Variants in NCOR2 observed in about 807,000 individuals in gnomAD.
NCOR2 encodes the protein nuclear receptor corepressor 2, also known as CTG repeat protein 26.
Under a neutral mutation model 262.9 loss-of-function variants are expected in NCOR2, and 81 were observed. The observed-to-expected ratio is 0.31, with a 90% CI of 0.26 to 0.37. NCOR2 has a LOEUF of 0.37. Ranked by LOEUF, NCOR2 falls within the 10% of genes least tolerant of loss-of-function variation. The probability of loss-of-function intolerance (pLI) is 1.00; values close to 1 mark genes in which losing one functional copy is unlikely to be tolerated. For missense variants in NCOR2, 3,385 were observed against 3,621.4 expected, an observed-to-expected ratio of 0.93 and a Z score of 1.68; for synonymous variants, 1,659 against 1,559.3, an observed-to-expected ratio of 1.06 and a Z score of -1.51.
intron 4 of NCOR2, among the ~76,000 whole-genome samples, chr12:124,466,547 C>T (rs531120710): frequency 8.5e-5 from 13 of 152,276 alleles, no homozygotes; most frequent in South Asian, 4.1e-4. Context: ...GAAGCACAGC[C>T]AAGCAGCCTC....
chr12:124,414,910 C>T (rs1202113709), intron 13 of NCOR2, among the ~76,000 whole-genome samples: 1 of 152,066 alleles, frequency 6.6e-6, no homozygotes, highest in Non-Finnish European at 1.5e-5. Context: ...TGGGGCTGGG[C>T]AGGGGCTCGT....
chr12:124,359,020 G>A (rs1055676492), intron 22 of NCOR2, among the ~76,000 whole-genome samples: 6 of 152,254 alleles, frequency 3.9e-5, no homozygotes, highest in East Asian at 1.9e-4. Flanking sequence ...AGACTGCTAT[G>A]CCACATGGCC....
intron 7 of NCOR2, 88 bp from the exon 10 acceptor site, chr12:124,438,084 C>A: frequency 7.6e-7 from 1 of 1,309,824 alleles, no homozygotes; most frequent in Non-Finnish European, 1.1e-6. Flanking sequence ...GAGTGAGCCC[C>A]AAATTTGCCC....
chr12:124,353,890 G>A (rs926900864), intron 27 of NCOR2, among the ~76,000 whole-genome samples: 2 of 152,210 alleles, frequency 1.3e-5, no homozygotes, highest in South Asian at 2.1e-4. Flanking sequence ...GCAGCTCCCT[G>A]AAGGCAGAGT....
At chr12:124,335,516 G>T in exon 39 of NCOR2, 1 of 1,608,406 alleles carries the variant, frequency 6.2e-7, no homozygotes. Context: ...CCCTCCAGGT[G>T]GCTCTTGTCG....
At chr12:124,414,694 G>A (rs2042764706) in intron 13 of NCOR2, among the ~76,000 whole-genome samples, 1 of 152,250 alleles carries the variant, frequency 6.6e-6, no homozygotes, top group East Asian at 1.9e-4. Flanking sequence ...CGGGGAAGAG[G>A]CAGACAGCAT....
chr12:124,492,343 C>G (rs571669545), intron 1 of NCOR2, among the ~76,000 whole-genome samples: 1 of 152,312 alleles, frequency 6.6e-6, no homozygotes, highest in East Asian at 1.9e-4. Context: ...TGTGAGCGGG[C>G]CAATGCCACT....
chr12:124,468,345 AC>A (rs1197349471), intron 4 of NCOR2, among the ~76,000 whole-genome samples: 7 of 31,592 alleles, frequency 2.2e-4, no homozygotes, highest in African/African-American at 1.4e-4. Context: ...CATCCTCCTC[AC>A]CCCCATCATC....
intron 3 of NCOR2, among the ~76,000 whole-genome samples, chr12:124,474,300 T>C (rs1211394515): frequency 6.6e-6 from 1 of 152,248 alleles, no homozygotes; most frequent in Non-Finnish European, 1.5e-5. Context: ...ACAGTTAAGC[T>C]AAAAGGAGTT....
chr12:124,416,698 G>A (rs894014479), intron 13 of NCOR2, among the ~76,000 whole-genome samples: 4 of 134,156 alleles, frequency 3.0e-5, no homozygotes, highest in African/African-American at 8.4e-5. Flanking sequence ...GGGAGTCCCC[G>A]CGGCACAGAT....
chr12:124,494,642 G>A (rs1008086440), intron 1 of NCOR2, among the ~76,000 whole-genome samples: 2 of 152,196 alleles, frequency 1.3e-5, no homozygotes, highest in Non-Finnish European at 2.9e-5. Flanking sequence ...CCTCATGTCA[G>A]GGAGGCAGAA....
At chr12:124,403,820 G>A (rs1178206217) in intron 13 of NCOR2, among the ~76,000 whole-genome samples, 1 of 152,204 alleles carries the variant, frequency 6.6e-6, no homozygotes, top group Non-Finnish European at 1.5e-5. Flanking sequence ...AACAGAGCAA[G>A]TGTCTGACTG....
At chr12:124,402,466 TTCCTTC>T (rs767877132) in exon 14 of NCOR2, 2 of 1,612,950 alleles carry the variant, frequency 1.2e-6, no homozygotes, top group Non-Finnish European at 1.7e-6. Flanking sequence ...CCGCCTCCTT[TTCCTTC>T]TCCTTCTCAT....
chr12:124,468,201 AC>A (rs2046600426), intron 4 of NCOR2, among the ~76,000 whole-genome samples: 1 of 6,862 alleles, frequency 1.5e-4, no homozygotes, highest in African/African-American at 8.2e-4. Flanking sequence ...CATCCTTATC[AC>A]CCCCCTCATC....
rs142727081 is a variant in NCOR2 at position 124,473,827 on chromosome 12, C to T, written c.412-696G>A. 1.1e-3 allele frequency among the ~76,000 whole-genome samples: 169 copies of T among 152,154 alleles called. 1 individual carries two copies. In the South Asian group the frequency reaches 0.022, roughly 20 times the overall value. ...GCATGAAAACGGACTAATACACACCCCCTCCCCAATACACCCCGGGTTTCC... is the reference window on the plus strand; with the variant it reads ...GCATGAAAACGGACTAATACACACCTCCTCCCCAATACACCCCGGGTTTCC... On this transcript the variant is annotated intron_variant, in intron 3 of 46. Coordinates refer to ENST00000405201, the Ensembl canonical transcript of NCOR2.
At chr12:124,567,486 TTGGCGCGCATCGCGGAGCGCA>T (rs2052286953), upstream of NCOR2, 1 of 147,626 alleles carries the variant, frequency 6.8e-6, no homozygotes, top group Admixed American at 6.7e-5. Context: ...GGCCCGCAAG[TTGGCGCGCATCGCGGAGCGCA>T]GGGCGCGGGC....
chr12:124,502,462 A>T (rs1037188514), intron 1 of NCOR2, among the ~76,000 whole-genome samples: 2 of 152,106 alleles, frequency 1.3e-5, no homozygotes, highest in African/African-American at 4.8e-5. Flanking sequence ...GTACATTTTG[A>T]AAGTGGGCAG....
intron 13 of NCOR2, among the ~76,000 whole-genome samples, chr12:124,409,917 G>A (rs1327458483): frequency 4.6e-5 from 7 of 151,748 alleles, no homozygotes; most frequent in Non-Finnish European, 8.8e-5. Context: ...GGGCTCAAGC[G>A]ATCCACCTAC....
chr12:124,356,773 G>A, exon 23 of NCOR2: 1 of 1,475,612 alleles, frequency 6.8e-7, no homozygotes, highest in South Asian at 1.4e-5. Context: ...CTGGGCCTCG[G>A]CTGCGAAGGC....
Sources: allele counts gnomAD v4.1 joint callset (sites outside exome capture counted in the v4.1 genomes callset), GRCh38; gene constraint gnomAD v4.1.1; transcripts MANE v1.5; gene names NCBI Gene and HGNC (gene_info 2026-07-23, HGNC 2026-07-21).